The following ESRRG variants were observed in gnomAD, a reference collection of about 807,000 sequenced individuals.
The protein encoded by ESRRG is estrogen related receptor gamma.
A neutral mutation model predicts 44.0 loss-of-function variants in ESRRG; 13 were observed. The ratio of observed to expected loss-of-function variants is 0.30; its 90% CI spans 0.19 to 0.47. ESRRG has a LOEUF of 0.47. Ranked by LOEUF, ESRRG falls within the 20% of genes least tolerant of loss-of-function variation. The pLI is 1.00. For missense variants in ESRRG, 395 were observed against 580.6 expected (o/e 0.68, Z 3.29); for synonymous variants, 215 against 214.6 (o/e 1.00, Z -0.02).
intron 2 of ESRRG, among the ~76,000 whole-genome samples, chr1:216,669,198 T>C (rs1171370183): frequency 6.6e-6 from 1 of 152,188 alleles, no homozygotes; most frequent in Admixed American, 6.5e-5. Flanking sequence ...ACTATTTAAT[T>C]TATTATCTGT....
intron 3 of ESRRG, among the ~76,000 whole-genome samples, chr1:216,570,696 A>G (rs1381049523): frequency 6.6e-6 from 1 of 152,184 alleles, no homozygotes; most frequent in Non-Finnish European, 1.5e-5. Flanking sequence ...ATCTGATATT[A>G]TTAGAAGTGT....
At chr1:216,994,847 A>C in intron 1 of ESRRG, among the ~76,000 whole-genome samples, 1 of 152,142 alleles carries the variant, frequency 6.6e-6, no homozygotes, top group African/African-American at 2.4e-5. Context: ...GGCCTCTCAA[A>C]GTGCTGGGAT....
intron 1 of ESRRG, among the ~76,000 whole-genome samples, chr1:216,997,198 G>T (rs2076473162): frequency 6.6e-6 from 1 of 152,116 alleles, no homozygotes; most frequent in South Asian, 2.1e-4. Flanking sequence ...TTGTCATAGG[G>T]CTGTACTGCA....
At chr1:216,540,760 C>T (rs532710024) in intron 5 of ESRRG, among the ~76,000 whole-genome samples, 1 of 151,934 alleles carries the variant, frequency 6.6e-6, no homozygotes, top group African/African-American at 2.4e-5. Flanking sequence ...CAATTATATC[C>T]CAATGTGAAC....
chr1:216,561,126 C>A (rs191106802), intron 5 of ESRRG, among the ~76,000 whole-genome samples: 1 of 152,170 alleles, frequency 6.6e-6, no homozygotes, highest in East Asian at 1.9e-4. Flanking sequence ...TCAACTAATT[C>A]TATTTACTGA....
At chr1:216,899,035 G>A (rs1337812771) in intron 2 of ESRRG, among the ~76,000 whole-genome samples, 1 of 152,142 alleles carries the variant, frequency 6.6e-6, no homozygotes, top group African/African-American at 2.4e-5. Context: ...GGTAGGACTG[G>A]AAACATCTCC....
chr1:216,960,510 T>C (rs972648458), intron 1 of ESRRG, among the ~76,000 whole-genome samples: 2 of 152,210 alleles, frequency 1.3e-5, no homozygotes, highest in African/African-American at 4.8e-5. Flanking sequence ...GATGGTATCA[T>C]ACTATCTATA....
At chr1:216,726,047 T>C (rs752453659), upstream of ESRRG, among the ~76,000 whole-genome samples, 4 of 152,190 alleles carry the variant, frequency 2.6e-5, no homozygotes, top group Admixed American at 6.5e-5. Context: ...TTCACTGGTG[T>C]ATATTTTTAA....
At chr1:216,733,066 CAA>C (rs35856655) in intron 2 of ESRRG, among the ~76,000 whole-genome samples, 165 of 146,984 alleles carry the variant, frequency 1.1e-3, no homozygotes, top group East Asian at 6.0e-3. Context: ...AACAATAATC[CAA>C]AAAAAAAAAA....
chr1:217,124,291 G>A (rs942154017), intron 1 of ESRRG, among the ~76,000 whole-genome samples: 1 of 152,104 alleles, frequency 6.6e-6, no homozygotes, highest in Non-Finnish European at 1.5e-5. Flanking sequence ...CTCTGGAAAG[G>A]AGGAAAAAAG....
chr1:217,053,674 A>T (rs2086559042), intron 1 of ESRRG, among the ~76,000 whole-genome samples: 1 of 152,190 alleles, frequency 6.6e-6, no homozygotes, highest in African/African-American at 2.4e-5. Flanking sequence ...ATGGCATGAC[A>T]AATAAATTAT....
chr1:216,552,064 C>A (rs1432565774), intron 5 of ESRRG, among the ~76,000 whole-genome samples: 3 of 152,112 alleles, frequency 2.0e-5, no homozygotes, highest in Non-Finnish European at 4.4e-5. Flanking sequence ...AGAGTATACC[C>A]AGGCTATAAC....
chr1:216,691,543 C>A (rs1167807897), intron 1 of ESRRG, among the ~76,000 whole-genome samples: 1 of 152,160 alleles, frequency 6.6e-6, no homozygotes, highest in East Asian at 1.9e-4. Context: ...TTAACTTTCA[C>A]ACACACAAAG....
chr1:216,686,716 G>T (rs528629381), intron 1 of ESRRG, among the ~76,000 whole-genome samples: 3 of 152,134 alleles, frequency 2.0e-5, no homozygotes, highest in African/African-American at 7.2e-5. Flanking sequence ...TGTAGTATTC[G>T]ACAGAGTAGG....
At chr1:217,045,009 T>A (rs1288614365) in intron 1 of ESRRG, among the ~76,000 whole-genome samples, 1 of 152,250 alleles carries the variant, frequency 6.6e-6, no homozygotes, top group Non-Finnish European at 1.5e-5. Context: ...TTGTCATTTA[T>A]TTTAAAATCA....
chr1:217,040,356 A>T (rs895023783), intron 1 of ESRRG, among the ~76,000 whole-genome samples: 5 of 152,132 alleles, frequency 3.3e-5, no homozygotes, highest in Non-Finnish European at 7.4e-5. Flanking sequence ...CTACAGTCCA[A>T]TGAAGAAGGC....
At chr1:216,624,199 T>C (rs113387924) in intron 3 of ESRRG, among the ~76,000 whole-genome samples, 3 of 152,258 alleles carry the variant, frequency 2.0e-5, no homozygotes, top group African/African-American at 4.8e-5. Context: ...CAAAGAGGAA[T>C]AAATTCCTAG....
At chr1:216,640,583 G>A (rs971882508) in intron 3 of ESRRG, among the ~76,000 whole-genome samples, 1 of 151,980 alleles carries the variant, frequency 6.6e-6, no homozygotes, top group South Asian at 2.1e-4. Flanking sequence ...TGTCAGTTAC[G>A]GGGACTTAGA....
chr1:216,770,695 A>C (rs1311257650), intron 2 of ESRRG, among the ~76,000 whole-genome samples: 2 of 152,130 alleles, frequency 1.3e-5, no homozygotes, highest in East Asian at 3.9e-4. Flanking sequence ...TTTTTAAAAA[A>C]CCACATTTTA....
Sources: allele counts gnomAD v4.1 joint callset (sites outside exome capture counted in the v4.1 genomes callset), GRCh38; gene constraint gnomAD v4.1.1; transcripts MANE v1.5; gene names NCBI Gene and HGNC (gene_info 2026-07-23, HGNC 2026-07-21).